The following UBE2H variants were observed in gnomAD, a reference collection of about 807,000 sequenced individuals.
UBE2H encodes the protein ubiquitin conjugating enzyme E2 H, also known as ubiquitin-conjugating enzyme E2 H.
A neutral mutation model predicts 29.0 loss-of-function variants in UBE2H; 3 were observed. The observed-to-expected ratio is 0.10, with a 90% CI of 0.05 to 0.27. The LOEUF is 0.27. UBE2H is among the 10% of genes least tolerant of loss of function. UBE2H has a pLI of 1.00. For synonymous variants in UBE2H, 69 were observed against 82.9 expected, an observed-to-expected ratio of 0.83 and a Z score of 0.91; for missense variants, 68 against 228.2, an observed-to-expected ratio of 0.30 and a Z score of 4.52.
intron 3 of UBE2H, among the ~76,000 whole-genome samples, chr7:129,864,559 T>TC (rs1440557208): frequency 2.5e-4 from 36 of 145,616 alleles, no homozygotes; most frequent in African/African-American, 7.2e-4. Flanking sequence ...TTTCTTTCTT[T>TC]TTTTTTTTTT....
chr7:129,833,599 G>GA lies in UBE2H; in HGVS notation c.*1337dup, dbSNP rs1284689178. ...ATTTCCTCTTAACATACGCAGGAGA[G>GA]AAAACATTTTCTTCCTGCAGGGCAT... On this transcript the variant is annotated 3_prime_UTR_variant, in exon 7 of 7. Coordinates refer to ENST00000355621, the MANE Select transcript of UBE2H (RefSeq NM_003344.4). The GA allele has an allele frequency of 1.3e-5, 2 of 152,276 alleles. No homozygotes were observed. Among genetic ancestry groups the GA allele is most frequent in the East Asian group, 3.9e-4 (2 of 5,190 alleles). 9.4% of individuals were successfully genotyped at this position (152,276 alleles called of 1,614,324 possible).
intron 5 of UBE2H, among the ~76,000 whole-genome samples, chr7:129,840,864 G>A (rs945070506): frequency 6.6e-6 from 1 of 152,196 alleles, no homozygotes; most frequent in African/African-American, 2.4e-5. Context: ...CAGTATTACA[G>A]ATGAATGCTT....
intron 5 of UBE2H, among the ~76,000 whole-genome samples, chr7:129,846,007 A>G (rs1197202714): frequency 6.6e-6 from 1 of 152,204 alleles, no homozygotes; most frequent in East Asian, 1.9e-4. Context: ...AAGAATATGT[A>G]TTAATTAAAA....
intron 1 of UBE2H, among the ~76,000 whole-genome samples, chr7:129,882,645 T>C (rs1584763223): frequency 6.6e-6 from 1 of 152,218 alleles, no homozygotes; most frequent in African/African-American, 2.4e-5. Flanking sequence ...AATGATTCAA[T>C]ACTGTCCACA....
chr7:129,938,844 G>C (rs1807586045), intron 1 of UBE2H, among the ~76,000 whole-genome samples: 2 of 151,720 alleles, frequency 1.3e-5, no homozygotes, highest in African/African-American at 4.8e-5. Flanking sequence ...CTGTCACCAG[G>C]CTGGAGTGCA....
At chr7:129,878,459 G>A (rs562499118) in intron 3 of UBE2H, among the ~76,000 whole-genome samples, 243 of 152,092 alleles carry the variant, frequency 1.6e-3, no homozygotes, top group African/African-American at 5.7e-3. Flanking sequence ...CGAGGCTGGC[G>A]GATCACGAGG....
At chr7:129,870,530 T>C (rs1198183354) in intron 3 of UBE2H, among the ~76,000 whole-genome samples, 2 of 152,156 alleles carry the variant, frequency 1.3e-5, no homozygotes, top group African/African-American at 4.8e-5. Context: ...GAGCCACGAT[T>C]ATGCCACTGC....
chr7:129,897,679 AAATG>A (rs1482024640), intron 1 of UBE2H, among the ~76,000 whole-genome samples: 1 of 152,240 alleles, frequency 6.6e-6, no homozygotes, highest in Admixed American at 6.5e-5. Flanking sequence ...GTTCCAAAAC[AAATG>A]AATATGGCTT....
At chr7:129,866,499 C>G (rs1430306010) in intron 3 of UBE2H, among the ~76,000 whole-genome samples, 1 of 152,102 alleles carries the variant, frequency 6.6e-6, no homozygotes, top group Non-Finnish European at 1.5e-5. Flanking sequence ...CTGTTGGGTT[C>G]AGGCAGTACT....
At chr7:129,904,123 C>G (rs1806770190) in intron 1 of UBE2H, among the ~76,000 whole-genome samples, 1 of 152,202 alleles carries the variant, frequency 6.6e-6, no homozygotes, top group Non-Finnish European at 1.5e-5. Flanking sequence ...CTGCCACATT[C>G]TTCCTCTCTT....
chr7:129,920,685 T>C (rs542787624), intron 1 of UBE2H, among the ~76,000 whole-genome samples: 69 of 152,142 alleles, frequency 4.5e-4, no homozygotes, highest in African/African-American at 1.6e-3. Context: ...GGCTTTAGTG[T>C]AACTTCAGGT....
At chr7:129,849,141 T>C (rs1222381735) in intron 5 of UBE2H, among the ~76,000 whole-genome samples, 1 of 125,736 alleles carries the variant, frequency 8.0e-6, no homozygotes, top group Admixed American at 8.9e-5. Flanking sequence ...AACTAAGCAG[T>C]TGTTATTTTT....
chr7:129,846,215 G>A (rs916294697), intron 5 of UBE2H, among the ~76,000 whole-genome samples: 2 of 152,082 alleles, frequency 1.3e-5, no homozygotes, highest in Non-Finnish European at 2.9e-5. Context: ...TGAAATAAAT[G>A]GAAAATTTCA....
At chr7:129,914,226 G>A (rs1806998711) in intron 1 of UBE2H, among the ~76,000 whole-genome samples, 1 of 151,880 alleles carries the variant, frequency 6.6e-6, no homozygotes, top group South Asian at 2.1e-4. Flanking sequence ...GGAGTGCAGA[G>A]GTGCAATTTT....
intron 5 of UBE2H, among the ~76,000 whole-genome samples, chr7:129,843,600 G>C (rs1805464504): frequency 6.6e-6 from 1 of 152,162 alleles, no homozygotes; most frequent in Non-Finnish European, 1.5e-5. Context: ...ACCATCGCTG[G>C]CAGGGAAGCT....
At chr7:129,847,511 C>G (rs549075987) in intron 5 of UBE2H, among the ~76,000 whole-genome samples, 2 of 151,000 alleles carry the variant, frequency 1.3e-5, no homozygotes, top group Admixed American at 6.6e-5. Flanking sequence ...GAGACCCAGT[C>G]TCTCTTTTTT....
chr7:129,894,607 C>G (rs1196415588), intron 1 of UBE2H, among the ~76,000 whole-genome samples: 2 of 151,358 alleles, frequency 1.3e-5, no homozygotes, highest in Non-Finnish European at 2.9e-5. Flanking sequence ...CCTGCCTCAG[C>G]CTCCCGAGTA....
chr7:129,883,425 T>C (rs993090232), intron 1 of UBE2H, among the ~76,000 whole-genome samples: 1 of 152,214 alleles, frequency 6.6e-6, no homozygotes, highest in African/African-American at 2.4e-5. Context: ...CCGAAACCGA[T>C]GTTTAAGAAT....
intron 5 of UBE2H, among the ~76,000 whole-genome samples, chr7:129,854,039 C>T (rs990367202): frequency 6.9e-6 from 1 of 144,606 alleles, no homozygotes; most frequent in Non-Finnish European, 1.5e-5. Flanking sequence ...CCAACTTTCT[C>T]CTATTAGTTA....
Sources: gnomAD v4.1 joint callset for allele counts (sites outside exome capture counted in the v4.1 genomes callset) on GRCh38, gnomAD v4.1.1 for gene constraint, MANE v1.5 for transcripts, NCBI Gene and HGNC (gene_info 2026-07-23, HGNC 2026-07-21) for gene names.